The following TMC5 variants were observed in gnomAD, a reference collection of about 807,000 sequenced individuals.
TMC5 encodes transmembrane channel like 5, also known as transmembrane channel-like protein 5.
Under a neutral mutation model 110.5 loss-of-function variants are expected in TMC5, and 86 were observed. The ratio of observed to expected loss-of-function variants is 0.78; its 90% CI spans 0.65 to 0.93. The LOEUF is 0.93. TMC5 is among the 40% of genes least tolerant of loss of function. The probability of loss-of-function intolerance (pLI) is 0.00; values close to 1 mark genes in which losing one functional copy is unlikely to be tolerated. For synonymous variants in TMC5, 455 were observed against 439.5 expected (o/e 1.04, Z -0.44); for missense variants, 1,144 against 1,222.8 (o/e 0.94, Z 0.96).
At chr16:19,418,280 A>G (rs916553776) in intron 1 of TMC5, among the ~76,000 whole-genome samples, 188 bp downstream of exon 1, 3 of 152,160 alleles carry the variant, frequency 2.0e-5, no homozygotes, top group African/African-American at 7.2e-5. Flanking sequence ...GGGAGGCAAG[A>G]GAGTGTTGAT....
rs1405633075 is a variant in TMC5 at position 19,472,189 on chromosome 16, A to C, written c.1884A>C (p.Gly628=). 1 of 1,614,160 alleles carries C rather than the reference A, an allele frequency of 6.2e-7. No homozygotes were observed. ...AYMVAWVVST[G]VAIACCAAVY... ...TGGTAGCCTGGGTTGTCTCTACAGG[A>C]GTGGCCATAGCCTGCTGTGCAGCCG... The change falls in exon 11 of 22, where the codon GGA becomes GGC. Residue 628 remains glycine, a synonymous_variant. Coordinates refer to ENST00000542583, the MANE Select transcript of TMC5 (RefSeq NM_001261841.2).
rs746353034 is a variant in TMC5, at chr16:19,494,426, C to T, written c.2931+60C>T. 70 of 1,233,570 alleles carry T rather than the reference C, an allele frequency of 5.7e-5. No homozygotes were observed. In the Middle Eastern group the frequency reaches 5.9e-4, roughly 10 times the overall value. 76.4% of individuals were successfully genotyped at this position (1,233,570 alleles called of 1,614,324 possible). On this transcript the variant is annotated intron_variant, in intron 20 of 21. Transcript: ENST00000542583. ...CACGAGCTTGCCTCCATGTAAAAAG[C>T]GCGTCAGAGAACTACAGACCAAGCT...
intron 11 of TMC5, among the ~76,000 whole-genome samples, 174 bp downstream of exon 11, chr16:19,472,417 T>A (rs1968367234): frequency 6.6e-6 from 1 of 152,068 alleles, no homozygotes; most frequent in African/African-American, 2.4e-5. Context: ...ACACCTGTAA[T>A]CCCAACACTC....
intron 5 of TMC5, chr16:19,456,317 G>A (rs1967871331): frequency 1.1e-5 from 2 of 185,956 alleles, no homozygotes; most frequent in Non-Finnish European, 2.1e-5. Flanking sequence ...TTCTAGGCCA[G>A]AGGCACTAAA....
intron 1 of TMC5, among the ~76,000 whole-genome samples, chr16:19,423,702 A>G (rs887305829): frequency 3.3e-5 from 5 of 152,300 alleles, no homozygotes; most frequent in East Asian, 1.9e-4. Flanking sequence ...AGAGGTCCAC[A>G]CTGACCAAGT....
At chr16:19,428,110 A>G (rs190435678) in intron 1 of TMC5, among the ~76,000 whole-genome samples, 5 of 152,304 alleles carry the variant, frequency 3.3e-5, no homozygotes, top group Admixed American at 1.3e-4. Context: ...ACTTCCTTCC[A>G]AGAAAGGATC....
rs1482018881 is a variant in TMC5, at chr16:19,466,129, C to T, written c.1533C>T (p.Ser511=). The change falls in exon 9 of 22, where the codon TCC becomes TCT. Residue 511 remains serine (S), a synonymous_variant. Transcript: ENST00000542583. ...TVMYYGFYTN[S]TIQHGNSGAS... is the part of the protein sequence containing the mutation. ...TGTACTATGGCTTTTACACCAATTC[C>T]ACCATCCAGCACGGGAACAGCGGGG... The T allele has an allele frequency of 3.1e-6, 5 of 1,614,042 alleles. No individual in the cohort carries two copies. In the South Asian group the frequency reaches 5.5e-5, roughly 18 times the overall value.
chr16:19,493,463 C>CTCTTTCTCTCTCTCTT (rs1555486903), intron 19 of TMC5, among the ~76,000 whole-genome samples: 12,591 of 57,886 alleles, frequency 0.22, 641 homozygotes, highest in Middle Eastern at 0.29. Flanking sequence ...CTCTCTCTCT[C>CTCTTTCTCTCTCTCTT]TCTTTTTTTT....
chr16:19,492,915 G>GATATAT (rs772226428), intron 19 of TMC5, among the ~76,000 whole-genome samples: 1 of 42,752 alleles, frequency 2.3e-5, no homozygotes, highest in East Asian at 3.6e-4. Flanking sequence ...TTAAAACTTA[G>GATATAT]ATATATATAT....
chr16:19,462,577 G>A lies in TMC5; in HGVS notation c.1149-703G>A, dbSNP rs537528842. 1,208 of 700,512 alleles carry A rather than the reference G, an allele frequency of 1.7e-3. 6 individuals carry two copies. Among genetic ancestry groups the A allele is most frequent in the Non-Finnish European group, 2.0e-3 (758 of 384,320 alleles). The allele number at this position is 700,512 out of a possible 1,614,324, so 43.4% of individuals were successfully genotyped here. A position where few individuals can be genotyped will look rare whatever the true frequency, so the allele number is the denominator to read the frequency against. On this transcript the variant is annotated intron_variant, in intron 6 of 21. Coordinates refer to ENST00000542583, the MANE Select transcript of TMC5 (RefSeq NM_001261841.2). ...CATCTTACGTGGTGGTAGGCAAGAC[G>A]GCATGTGCAGGGGAACTGCCCTTTA...
At chr16:19,468,625 G>T (rs1273822824) in intron 9 of TMC5, among the ~76,000 whole-genome samples, 2 of 152,198 alleles carry the variant, frequency 1.3e-5, no homozygotes, top group Non-Finnish European at 2.9e-5. Context: ...AATCACAAGG[G>T]TCTTTATAAG....
exon 1 of TMC5, chr16:19,410,730 G>C (rs757290548): frequency 6.6e-6 from 1 of 152,384 alleles, no homozygotes; most frequent in Non-Finnish European, 1.5e-5. Context: ...GGCCAGGGTC[G>C]ACCCGAGGGC....
chr16:19,440,462 AG>A lies in TMC5; in HGVS notation c.425del (p.Ser142ThrfsTer18). The A allele has an allele frequency of 6.2e-7, 1 of 1,614,120 alleles. No individual in the cohort carries two copies. The highest frequency in any genetic ancestry group is 2.2e-5 in the East Asian group (1 of 44,880). ...QRNPDFAGSS[S>X]SGNYAGSRTH... ...AAATCCTGATTTTGCAGGCTCCAGCAGCAGTGGAAACTATGCAGGCTCCAGA... is the reference window on the plus strand; with the variant it reads ...AAATCCTGATTTTGCAGGCTCCAGCACAGTGGAAACTATGCAGGCTCCAGA... On this transcript the variant is annotated frameshift_variant, in exon 3 of 22. Coordinates refer to ENST00000542583, the MANE Select transcript of TMC5 (RefSeq NM_001261841.2). LOFTEE classifies it high-confidence loss of function.
intron 5 of TMC5, among the ~76,000 whole-genome samples, chr16:19,453,010 A>ATT (rs1555482553): frequency 1.1e-5 from 1 of 88,154 alleles, no homozygotes; most frequent in African/African-American, 2.8e-5. Context: ...ATATATATAT[A>ATT]TTATATATAT....
At chr16:19,458,965 A>T (rs1053822680) in intron 5 of TMC5, among the ~76,000 whole-genome samples, 5 of 151,974 alleles carry the variant, frequency 3.3e-5, no homozygotes, top group Non-Finnish European at 7.4e-5. Flanking sequence ...TTGCTACAGG[A>T]TAGCAATAGC....
rs564429754 is a variant in TMC5 at position 19,422,241 on chromosome 16, A to AAG, written c.-308+4163_-308+4164dup. The stretch of plus-strand genomic sequence containing the variant: ...GCTAGACTCCATTTCAAAAAAAAAA[A>AAG]AGAGAGAGAGAGAGAAGACAGAATT... On this transcript the variant is annotated intron_variant, in intron 1 of 21. Coordinates refer to ENST00000542583, the MANE Select transcript of TMC5 (RefSeq NM_001261841.2). Among the ~76,000 whole-genome samples, 10 of 151,846 alleles carry AAG rather than the reference A, an allele frequency of 6.6e-5. No homozygotes were observed. In the East Asian group the frequency reaches 1.2e-3, roughly 18 times the overall value.
chr16:19,487,726 A>G (rs1329992496), intron 17 of TMC5: 1 of 114,080 alleles, frequency 8.8e-6, no homozygotes, highest in Non-Finnish European at 1.8e-5. Context: ...TAAATAAATA[A>G]ATAAATAAAT....
intron 8 of TMC5, among the ~76,000 whole-genome samples, chr16:19,465,875 T>C (rs1407437251): frequency 6.6e-6 from 1 of 152,172 alleles, no homozygotes; most frequent in Non-Finnish European, 1.5e-5. Flanking sequence ...AATGTCTCCA[T>C]TGTAAAGTTA....
At chr16:19,465,037 TTCTTTCTTTCTTTCTTTCTTTTCC>T (rs1968133151) in intron 8 of TMC5, among the ~76,000 whole-genome samples, 14 of 108,290 alleles carry the variant, frequency 1.3e-4, no homozygotes, top group East Asian at 4.2e-4. Flanking sequence ...CTTTCTTTCT[TTCTTTCTTTCTTTCTTTCTTTTCC>T]TTCCTTCCTT....
Sources: gnomAD v4.1 joint callset for allele counts (sites outside exome capture counted in the v4.1 genomes callset) on GRCh38, gnomAD v4.1.1 for gene constraint, MANE v1.5 for transcripts, NCBI Gene and HGNC (gene_info 2026-07-23, HGNC 2026-07-21) for gene names.